Variants in GPR158 observed in about 807,000 individuals in gnomAD.
The protein encoded by GPR158 is metabotropic glycine receptor.
A neutral mutation model predicts 78.2 loss-of-function variants in GPR158; 30 were observed. The ratio of observed to expected loss-of-function variants is 0.38; its 90% CI spans 0.29 to 0.52. The LOEUF is 0.52. GPR158 is among the 20% of genes least tolerant of loss of function. The pLI is 0.83. For missense variants in GPR158, 1,463 were observed against 1,523.5 expected (o/e 0.96, Z 0.66); for synonymous variants, 581 against 591.1 (o/e 0.98, Z 0.25).
Position 25,598,815 on chromosome 10 carries a change from G to C in GPR158, c.3189G>C (p.Gln1063His), listed in dbSNP as rs1837450308. Reference sequence around the variant, plus strand: ...CTGAGGTTTGTCAGCAATCCAATCAGAAGCGCATAGATAAGGCTGAAGTAT... The same window carrying C: ...CTGAGGTTTGTCAGCAATCCAATCACAAGCGCATAGATAAGGCTGAAGTAT... ...KAAEVCQQSNQKRIDKAEVCL... is the reference protein window; with the variant it reads ...KAAEVCQQSNHKRIDKAEVCL... Residue 1063 changes from glutamine to histidine, a missense_variant, in exon 11 of 11, where the codon CAG becomes CAC. Gln to His is a conservative substitution (Grantham distance 24, BLOSUM62 0). Transcript: ENST00000376351. The C allele has an allele frequency of 1.2e-6, 2 of 1,614,126 alleles. No homozygotes were observed. Among genetic ancestry groups the C allele is most frequent in the East Asian group, 4.5e-5 (2 of 44,884 alleles).
intron 7 of GPR158, among the ~76,000 whole-genome samples, chr10:25,573,809 T>C (rs1837047618): frequency 6.6e-6 from 1 of 152,112 alleles, no homozygotes; most frequent in Non-Finnish European, 1.5e-5. Context: ...TAGTTTAGAG[T>C]TCAAATGGAG....
At position 25,596,805 on chromosome 10, in the gene GPR158, T is replaced by C. The variant is rs372438610; in HGVS notation, c.2145+16T>C. On this transcript the variant is annotated intron_variant, in intron 10 of 10. Transcript: ENST00000376351. ...GGACATTCGGGTAATGCCAGTACTC[T>C]ATCTTTCTTCCTATTTCAGATTAGC... 6.8e-6 allele frequency: 11 copies of C among 1,607,460 alleles called. No homozygotes were observed. In the South Asian group the frequency reaches 9.9e-5, roughly 14 times the overall value.
chr10:25,320,769 T>C (rs7907745), intron 2 of GPR158, among the ~76,000 whole-genome samples: 2,331 of 152,304 alleles, frequency 0.015, 68 homozygotes, highest in African/African-American at 0.053. Context: ...AATTAAAATA[T>C]CATTCTGAAA....
chr10:25,483,804 C>G (rs145968744), intron 5 of GPR158, among the ~76,000 whole-genome samples: 11 of 152,154 alleles, frequency 7.2e-5, no homozygotes, highest in African/African-American at 2.6e-4. Context: ...TTTAAAATTT[C>G]TTTTTGATGT....
At position 25,175,659 on chromosome 10, in the gene GPR158, T is replaced by C. The variant is rs779087604; in HGVS notation, c.239T>C (p.Met80Thr). ...CAGAAACTCGCCGAGGAGGTGCCCA[T>C]GGACGTGGCCTCTTACCTCTACACC... The part of the protein sequence containing the change: ...LAQKLAEEVP[M>T]DVASYLYTGD... The change falls in exon 1 of 11, where the codon ATG (methionine) becomes ACG (threonine). Residue 80 changes from methionine (M) to threonine (T), a missense_variant. Physicochemically the swap from Met to Thr is moderately conservative, Grantham distance 81. Transcript: ENST00000376351. The surrounding 1 kb of genome is among the most constrained non-coding windows in gnomAD (Gnocchi z 6.4). 1.9e-6 allele frequency: 3 copies of C among 1,611,526 alleles called. No individual in the cohort carries two copies. The highest frequency in any genetic ancestry group is 1.7e-5 in the Admixed American group (1 of 60,030).
At chr10:25,343,059 TA>T (rs774700477) in intron 2 of GPR158, among the ~76,000 whole-genome samples, 2 of 151,952 alleles carry the variant, frequency 1.3e-5, no homozygotes, top group Non-Finnish European at 2.9e-5. Context: ...CTGATTAGAT[TA>T]TGAGCAAACT....
intron 5 of GPR158, among the ~76,000 whole-genome samples, chr10:25,502,306 A>G (rs543020762): frequency 1.3e-5 from 2 of 152,310 alleles, no homozygotes; most frequent in East Asian, 3.9e-4. Flanking sequence ...AGGACCCGTG[A>G]CAGGGGAGAA....
At chr10:25,339,956 C>T (rs1408362690) in intron 2 of GPR158, among the ~76,000 whole-genome samples, 2 of 152,064 alleles carry the variant, frequency 1.3e-5, no homozygotes, top group Admixed American at 1.3e-4. Context: ...AAAGTTCTTG[C>T]ATAATGTTAG....
At chr10:25,428,875 C>A (rs962391248) in intron 4 of GPR158, among the ~76,000 whole-genome samples, 1 of 151,980 alleles carries the variant, frequency 6.6e-6, no homozygotes, top group African/African-American at 2.4e-5. Context: ...ATGAAGAAAC[C>A]TGAAGTGCTA....
At chr10:25,278,790 C>A (rs1854223617) in intron 2 of GPR158, among the ~76,000 whole-genome samples, 1 of 151,344 alleles carries the variant, frequency 6.6e-6, no homozygotes, top group Admixed American at 6.6e-5. Flanking sequence ...TATCTGAAGT[C>A]AAGTGCCTAG....
intron 4 of GPR158, among the ~76,000 whole-genome samples, chr10:25,464,213 A>G (rs1835393734): frequency 6.6e-6 from 1 of 152,134 alleles, no homozygotes; most frequent in Non-Finnish European, 1.5e-5. Flanking sequence ...ATATAAAAGC[A>G]CGTACTCCTG....
intron 2 of GPR158, among the ~76,000 whole-genome samples, chr10:25,293,736 A>T: frequency 8.0e-6 from 1 of 124,594 alleles, no homozygotes; most frequent in African/African-American, 3.2e-5. Flanking sequence ...AAAGTTCTTT[A>T]AACCTGTAAT....
At chr10:25,187,705 C>T (rs1852707897) in intron 1 of GPR158, among the ~76,000 whole-genome samples, 1 of 152,150 alleles carries the variant, frequency 6.6e-6, no homozygotes, top group Admixed American at 6.5e-5. Context: ...TGGAAGCATT[C>T]CCTTTGAAAA....
intron 2 of GPR158, among the ~76,000 whole-genome samples, chr10:25,305,582 T>C (rs761575408): frequency 2.0e-5 from 3 of 152,088 alleles, no homozygotes; most frequent in Non-Finnish European, 4.4e-5. Context: ...GATGCCTGTG[T>C]TGTGCTAAGG....
intron 2 of GPR158, among the ~76,000 whole-genome samples, chr10:25,275,321 G>A (rs1178974602): frequency 6.6e-6 from 1 of 152,124 alleles, no homozygotes; most frequent in Non-Finnish European, 1.5e-5. Flanking sequence ...CTGACTTAAT[G>A]AAGGCCCCAG....
intron 5 of GPR158, among the ~76,000 whole-genome samples, chr10:25,480,548 GC>G (rs61141884): frequency 0.44 from 67,432 of 151,802 alleles, 16,058 homozygotes; most frequent in East Asian, 0.8. Flanking sequence ...CTATGATATT[GC>G]CTTTTCCAGG....
At chr10:25,208,157 A>G (rs186704096) in intron 1 of GPR158, among the ~76,000 whole-genome samples, 1 of 152,304 alleles carries the variant, frequency 6.6e-6, no homozygotes, top group East Asian at 1.9e-4. Context: ...CACATGGCTT[A>G]TTATTGGTCA....
At chr10:25,338,291 G>A (rs1855239202) in intron 2 of GPR158, among the ~76,000 whole-genome samples, 1 of 149,130 alleles carries the variant, frequency 6.7e-6, no homozygotes, top group Non-Finnish European at 1.5e-5. Flanking sequence ...GTGAGGTAGG[G>A]GTAAAAACAC....
intron 2 of GPR158, among the ~76,000 whole-genome samples, chr10:25,331,676 C>A (rs947463610): frequency 6.6e-6 from 1 of 152,168 alleles, no homozygotes; most frequent in Non-Finnish European, 1.5e-5. Flanking sequence ...TGGCTTTCAT[C>A]GGTATATCTG....
Sources: allele counts gnomAD v4.1 joint callset (sites outside exome capture counted in the v4.1 genomes callset), GRCh38; gene constraint gnomAD v4.1.1; non-coding constraint Gnocchi (gnomAD v3.1); transcripts MANE v1.5; gene names NCBI Gene and HGNC (gene_info 2026-07-23, HGNC 2026-07-21).